The following HOMER2 variants were observed in gnomAD, a reference collection of about 807,000 sequenced individuals.
The protein encoded by HOMER2 is homer protein homolog 2.
HOMER2 carries 27 observed loss-of-function variants against 47.0 expected under a neutral mutation model. The observed-to-expected ratio is 0.57, with a 90% confidence interval of 0.42 to 0.79. HOMER2 has a LOEUF of 0.79. HOMER2 is among the 30% of genes least tolerant of loss of function. The probability of loss-of-function intolerance (pLI) is 0.00; values close to 1 mark genes in which losing one functional copy is unlikely to be tolerated. For missense variants in HOMER2, 443 were observed against 435.0 expected (o/e 1.02, Z -0.16); for synonymous variants, 161 against 163.8 (o/e 0.98, Z 0.13).
At chr15:82,865,264 A>C (rs987895453) in intron 3 of HOMER2, among the ~76,000 whole-genome samples, 2 of 152,218 alleles carry the variant, frequency 1.3e-5, no homozygotes, top group African/African-American at 4.8e-5. Flanking sequence ...TTAAAACACG[A>C]GGTCCAGCAG....
intron 1 of HOMER2, among the ~76,000 whole-genome samples, chr15:82,978,738 T>C (rs1279105031): frequency 6.6e-6 from 1 of 152,148 alleles, no homozygotes; most frequent in East Asian, 1.9e-4. Flanking sequence ...TTTTATTTTT[T>C]TGAGAGGGAG....
chr15:82,853,911 GA>G (rs1166928286), intron 6 of HOMER2, among the ~76,000 whole-genome samples: 2 of 152,186 alleles, frequency 1.3e-5, no homozygotes, highest in Non-Finnish European at 2.9e-5. Flanking sequence ...ACAATAATGT[GA>G]ATGGAAGCAG....
rs1293929003 is a variant in HOMER2, at chr15:82,859,107, T to C, written c.416A>G (p.Glu139Gly). 1.9e-6 allele frequency: 3 copies of C among 1,614,010 alleles called. No homozygotes were observed. The highest frequency in any genetic ancestry group is 1.7e-6 in the Non-Finnish European group (2 of 1,179,876). Residue 139 changes from glutamate (E) to glycine (G), a missense_variant, in exon 5 of 9, where the codon GAA becomes GGA. By Grantham distance (98) the Glu-to-Gly change is moderately conservative (BLOSUM62 -2). Transcript: ENST00000450735. ...GGCTGGACCGGCGTGAGAGGCCTTT[T>C]CATCGTCCGTCCCGTTGACACTGGA... is the stretch of plus-strand genomic sequence containing the variant. ...QASSVNGTDD[E>G]KASHAGPANT...
intron 2 of HOMER2, 143 bp downstream of exon 2, chr15:82,892,542 C>A: frequency 1.7e-6 from 1 of 593,090 alleles, no homozygotes. Flanking sequence ...CCCCATTTAC[C>A]GTAAGTTTAA....
At chr15:82,870,253 C>G (rs927479124) in intron 3 of HOMER2, among the ~76,000 whole-genome samples, 37 of 152,270 alleles carry the variant, frequency 2.4e-4, no homozygotes, top group African/African-American at 8.4e-4. Context: ...AGAATGAAAG[C>G]TAGTCTAAGC....
intron 1 of HOMER2, among the ~76,000 whole-genome samples, chr15:82,940,151 G>A (rs1248554501): frequency 2.0e-5 from 3 of 151,938 alleles, no homozygotes; most frequent in Non-Finnish European, 4.4e-5. Flanking sequence ...ACACCAACAT[G>A]GCACATGTAT....
intron 1 of HOMER2, among the ~76,000 whole-genome samples, chr15:82,964,103 T>C (rs745917561): frequency 1.3e-5 from 2 of 152,236 alleles, no homozygotes; most frequent in Non-Finnish European, 2.9e-5. Flanking sequence ...TTTATAGAAA[T>C]AACTTGGGCA....
rs905867876 is a variant in HOMER2 at position 82,909,901 on chromosome 15, G to A, written c.6-17060C>T. On this transcript the variant is annotated intron_variant, in intron 1 of 8. Transcript: ENST00000450735. ...TGTAATCCCAACACTTTGGGAGGCC[G>A]GGACAGATAGATCACCCGAGGTCAG... Among the ~76,000 whole-genome samples, 10 of 152,048 alleles carry A rather than the reference G, an allele frequency of 6.6e-5. No homozygotes were observed. The East Asian group carries it at 1.5e-3, about 24-fold the overall frequency.
intron 5 of HOMER2, among the ~76,000 whole-genome samples, chr15:82,855,347 A>AG (rs2051548204): frequency 6.6e-6 from 1 of 151,012 alleles, no homozygotes; most frequent in African/African-American, 2.4e-5. Context: ...AAAAAAAAAA[A>AG]AAGAAAACAC....
intron 1 of HOMER2, among the ~76,000 whole-genome samples, chr15:82,924,143 A>T (rs560542220): frequency 2.0e-5 from 3 of 152,218 alleles, no homozygotes; most frequent in Non-Finnish European, 2.9e-5. Flanking sequence ...TTCAGCACAC[A>T]GAAGTAAGCA....
chr15:82,930,651 G>C (rs1336929980), intron 1 of HOMER2, among the ~76,000 whole-genome samples: 2 of 152,240 alleles, frequency 1.3e-5, no homozygotes, highest in African/African-American at 4.8e-5. Flanking sequence ...TCATGTGGCA[G>C]TGGAGGGGCA....
chr15:82,944,970 C>T (rs1007252800), intron 1 of HOMER2, among the ~76,000 whole-genome samples: 5 of 151,990 alleles, frequency 3.3e-5, no homozygotes, highest in Admixed American at 1.3e-4. Context: ...CAGAATTACT[C>T]GGCCCTGATA....
rs1349271350 is a variant in HOMER2 at position 82,875,317 on chromosome 15, T to C, written c.250A>G (p.Thr84Ala). The change falls in exon 3 of 9, where the codon ACA becomes GCA. Residue 84 changes from threonine (T) to alanine (A), a missense_variant. Thr to Ala is a moderately conservative substitution (Grantham distance 58). Transcript: ENST00000450735. ...FGQWADSRANTVFGLGFSSEQ... is the reference protein window; with the variant it reads ...FGQWADSRANAVFGLGFSSEQ... ...GAGGAAAACCCCAAACCAAACACTGTGTTGGCTCTGCTGTCGGCCCACTGC... is the reference window on the plus strand; with the variant it reads ...GAGGAAAACCCCAAACCAAACACTGCGTTGGCTCTGCTGTCGGCCCACTGC... 3.1e-6 allele frequency: 5 copies of C among 1,613,824 alleles called. No individual in the cohort carries two copies. Among genetic ancestry groups the C allele is most frequent in the East Asian group, 2.2e-5 (1 of 44,900 alleles).
At chr15:82,898,458 C>G (rs1020197383) in intron 1 of HOMER2, 1 of 152,174 alleles carries the variant, frequency 6.6e-6, no homozygotes, top group Admixed American at 6.5e-5. Context: ...AAATATACTC[C>G]CATTCCTTCT....
intron 5 of HOMER2, among the ~76,000 whole-genome samples, chr15:82,858,562 T>A (rs2151619993): frequency 6.6e-6 from 1 of 152,276 alleles, no homozygotes; most frequent in Non-Finnish European, 1.5e-5. Flanking sequence ...TTCCAAAATG[T>A]TGGGATTACA....
At chr15:82,916,042 C>G (rs1037948677) in intron 1 of HOMER2, among the ~76,000 whole-genome samples, 5 of 152,146 alleles carry the variant, frequency 3.3e-5, no homozygotes, top group Admixed American at 6.5e-5. Flanking sequence ...GTTGCTGAGT[C>G]CCAGCCTAGC....
At chr15:82,978,509 C>CCT (rs2030282809) in intron 1 of HOMER2, among the ~76,000 whole-genome samples, 1 of 152,182 alleles carries the variant, frequency 6.6e-6, no homozygotes, top group Non-Finnish European at 1.5e-5. Flanking sequence ...ATGTGTACAA[C>CCT]ATAGTACGAA....
intron 1 of HOMER2, among the ~76,000 whole-genome samples, chr15:82,978,519 A>T (rs1296625347): frequency 6.6e-6 from 1 of 152,166 alleles, no homozygotes; most frequent in Non-Finnish European, 1.5e-5. Context: ...CATAGTACGA[A>T]GTCTTCCAAT....
chr15:82,856,947 G>A (rs2051607285), intron 5 of HOMER2, among the ~76,000 whole-genome samples: 1 of 152,172 alleles, frequency 6.6e-6, no homozygotes, highest in African/African-American at 2.4e-5. Context: ...CTAGCCATGT[G>A]ACCTTGGGCA....
Sources: allele counts gnomAD v4.1 joint callset (sites outside exome capture counted in the v4.1 genomes callset), GRCh38; gene constraint gnomAD v4.1.1; transcripts MANE v1.5; gene names NCBI Gene and HGNC (gene_info 2026-07-23, HGNC 2026-07-21).